Variants in CLHC1 observed in about 807,000 individuals in gnomAD.
CLHC1 encodes clathrin heavy chain linker domain containing 1.
Under a neutral mutation model 69.5 loss-of-function variants are expected in CLHC1, and 72 were observed. That is an observed-to-expected ratio of 1.04 (90% CI 0.86 to 1.26). The LOEUF (loss-of-function observed/expected upper bound fraction) is 1.26, where lower values mean the gene tolerates loss of function less well. CLHC1 is among the 50% of genes most tolerant of loss of function. The pLI is 0.00. For synonymous variants in CLHC1, 223 were observed against 224.3 expected, an observed-to-expected ratio of 0.99 and a Z score of 0.05; for missense variants, 790 against 679.3, an observed-to-expected ratio of 1.16 and a Z score of -1.81.
chr2:55,213,238 C>G (rs1673180229), intron 4 of CLHC1, among the ~76,000 whole-genome samples: 1 of 152,178 alleles, frequency 6.6e-6, no homozygotes, highest in Non-Finnish European at 1.5e-5. Flanking sequence ...GGACCAAAAT[C>G]AAAGTGTTGG....
chr2:55,175,805 T>A lies in CLHC1; in HGVS notation c.1746A>T (p.Glu582Asp). The A allele has an allele frequency of 1.9e-6, 3 of 1,613,746 alleles. No individual in the cohort carries two copies. Among genetic ancestry groups the A allele is most frequent in the Non-Finnish European group, 2.5e-6 (3 of 1,179,732 alleles). Residue 582 changes from glutamate to aspartate, a missense_variant, in exon 13 of 13, where the codon GAA (glutamate) becomes GAT (aspartate). Physicochemically the swap from Glu to Asp is conservative, Grantham distance 45 (BLOSUM62 2). Coordinates refer to ENST00000401408, the MANE Select transcript of CLHC1 (RefSeq NM_152385.4). ...AGATATAGAACTACCAAAACACATGTTCCATTAGGTTGACTGCGTCATCCT... is the reference window on the plus strand; with the variant it reads ...AGATATAGAACTACCAAAACACATGATCCATTAGGTTGACTGCGTCATCCT... ...SEEDDAVNLM[E>D]HVFW
At chr2:55,208,603 A>C (rs2103931870) in intron 8 of CLHC1, 23 bp downstream of exon 8, 1 of 1,473,044 alleles carries the variant, frequency 6.8e-7, no homozygotes, top group East Asian at 2.3e-5. Context: ...ATTCTGAAAA[A>C]TTAAAGCTTT....
At chr2:55,209,582 A>G (rs375068222) in intron 6 of CLHC1, 48 bp downstream of exon 6, 49 of 1,591,674 alleles carry the variant, frequency 3.1e-5, no homozygotes, top group Non-Finnish European at 4.0e-5. Context: ...ATTAGAATAA[A>G]CACAAATAAA....
chr2:55,201,304 G>C (rs986363555), intron 9 of CLHC1, among the ~76,000 whole-genome samples: 2 of 151,638 alleles, frequency 1.3e-5, no homozygotes, highest in African/African-American at 4.8e-5. Flanking sequence ...GAGAAGACCT[G>C]AGTAAATAAA....
At chr2:55,210,279 C>T (rs762748316) in intron 5 of CLHC1, among the ~76,000 whole-genome samples, 2 of 152,066 alleles carry the variant, frequency 1.3e-5, no homozygotes, top group Admixed American at 6.6e-5. Context: ...TCACTGCAAC[C>T]TCTGCCTCCC....
At chr2:55,218,144 T>A in intron 3 of CLHC1, 146 bp from the exon 4 acceptor site, 1 of 458,002 alleles carries the variant, frequency 2.2e-6, no homozygotes, top group Non-Finnish European at 3.8e-6. Flanking sequence ...AGCTCAAACA[T>A]AATTGGACAC....
In CLHC1 at chr2:55,196,787, C is replaced by T. The variant is rs193078338; in HGVS notation, c.1006+9483G>A. Among the ~76,000 whole-genome samples, 164 of 152,272 alleles carry T rather than the reference C, an allele frequency of 1.1e-3. 2 individuals carry two copies. The Middle Eastern group carries it at 0.017, about 16-fold the overall frequency. Reference sequence around the variant, plus strand: ...CATTCCCAGCTGTAATGGCTATCAGCTGGGTGATCAGCTTCTTCTTGAGAA... The same window carrying T: ...CATTCCCAGCTGTAATGGCTATCAGTTGGGTGATCAGCTTCTTCTTGAGAA... On this transcript the variant is annotated intron_variant, in intron 9 of 12. Coordinates refer to ENST00000401408, the MANE Select transcript of CLHC1 (RefSeq NM_152385.4).
At chr2:55,219,747 TA>T (rs1167915398) in intron 3 of CLHC1, among the ~76,000 whole-genome samples, 1 of 152,144 alleles carries the variant, frequency 6.6e-6, no homozygotes, top group East Asian at 1.9e-4. Context: ...TAACCATAGC[TA>T]TATTTACCAG....
intron 1 of CLHC1, 60 bp downstream of exon 1, chr2:55,232,163 G>C (rs1219172203): frequency 6.3e-6 from 1 of 157,854 alleles, no homozygotes; most frequent in East Asian, 1.9e-4. Context: ...CTTAACATTT[G>C]CTCTAGTCAC....
rs760407335 is a variant in CLHC1, at chr2:55,212,770, T to A, written c.402A>T (p.Gln134His). The A allele has an allele frequency of 8.1e-6, 13 of 1,603,448 alleles. No homozygotes were observed. Among genetic ancestry groups the A allele is most frequent in the African/African-American group, 1.3e-5 (1 of 74,688 alleles). ...ACTGCTTGATGTGATCTATTTGAGA[T>A]TGAATCTTCGAGGAATTACTTTCGA... ...RIIESNSSKI[Q>H]SQIDHIKQCR... is the part of the protein sequence containing the mutation. The change falls in exon 5 of 13, where the codon CAA becomes CAT. Residue 134 changes from glutamine (Q) to histidine (H), a missense_variant. Transcript: ENST00000401408.
intron 2 of CLHC1, among the ~76,000 whole-genome samples, chr2:55,223,635 G>A (rs1005968860): frequency 1.3e-5 from 2 of 151,670 alleles, no homozygotes; most frequent in East Asian, 2.0e-4. Context: ...CTGGGGCGAG[G>A]GAGGGCGCGC....
chr2:55,222,429 C>T lies in CLHC1; in HGVS notation c.-18G>A, dbSNP rs781331948. 7.5e-6 allele frequency: 12 copies of T among 1,606,222 alleles called. No homozygotes were observed. Among genetic ancestry groups the T allele is most frequent in the Non-Finnish European group, 1.0e-5 (12 of 1,175,776 alleles). On this transcript the variant is annotated 5_prime_UTR_variant, in exon 3 of 13. It adds an upstream start codon to the 5' untranslated region. Coordinates refer to ENST00000401408, the MANE Select transcript of CLHC1 (RefSeq NM_152385.4). Reference sequence around the variant, plus strand: ...ACTGACATATTTGACAATCTGCACACTTGTTCACTGAAGAACAGCTAAATC... The same window carrying T: ...ACTGACATATTTGACAATCTGCACATTTGTTCACTGAAGAACAGCTAAATC...
Position 55,222,472 on chromosome 2 carries a change from C to A in CLHC1, c.-61G>T. On this transcript the variant is annotated 5_prime_UTR_variant, in exon 3 of 13. Transcript: ENST00000401408. The stretch of plus-strand genomic sequence containing the variant: ...GCTAAATCTTGACCTGCTCTTGCAA[C>A]AAAGCCAAAACTTTGATAAGCCTGA... The A allele has an allele frequency of 7.6e-7, 1 of 1,310,658 alleles. No individual in the cohort carries two copies. Among genetic ancestry groups the A allele is most frequent in the Non-Finnish European group, 1.0e-6 (1 of 958,118 alleles). 81.2% of individuals were successfully genotyped at this position (1,310,658 alleles called of 1,614,324 possible).
Position 55,231,750 on chromosome 2 carries a change from C to G in CLHC1, c.-256+473G>C, listed in dbSNP as rs997911019. Among the ~76,000 whole-genome samples the G allele has an allele frequency of 4.6e-5, 7 of 152,338 alleles. No individual in the cohort carries two copies. The South Asian group carries it at 8.3e-4, about 18-fold the overall frequency. ...CCCATACATACTCCAAAAACTTCCT[C>G]TCAGATCCAAGACTCCCAATGCCCA... On this transcript the variant is annotated intron_variant, in intron 1 of 12. Transcript: ENST00000401408.
chr2:55,180,343 T>C (rs183879377), intron 11 of CLHC1, among the ~76,000 whole-genome samples, 167 bp downstream of exon 11: 8 of 152,278 alleles, frequency 5.3e-5, no homozygotes, highest in East Asian at 3.9e-4. Flanking sequence ...GCCAATCAGC[T>C]CCAGCTTACT....
intron 8 of CLHC1, chr2:55,207,003 T>G (rs1232940951): frequency 6.6e-6 from 1 of 151,426 alleles, no homozygotes; most frequent in Non-Finnish European, 1.5e-5. Flanking sequence ...TAGTCCCAGC[T>G]GCTCAGGAGG....
chr2:55,185,820 C>T (rs1670365405), intron 9 of CLHC1, among the ~76,000 whole-genome samples: 1 of 152,018 alleles, frequency 6.6e-6, no homozygotes, highest in Admixed American at 6.6e-5. Context: ...TTAAAATTTT[C>T]TGAAAATGTT....
intron 3 of CLHC1, chr2:55,218,301 T>C (rs1673777775): frequency 5.5e-6 from 1 of 182,570 alleles, no homozygotes; most frequent in African/African-American, 2.3e-5. Context: ...CTAATGCTAG[T>C]TCTAATTTTC....
intron 1 of CLHC1, 127 bp from the exon 2 acceptor site, chr2:55,228,331 A>C (rs1573802476): frequency 6.6e-6 from 1 of 152,256 alleles, no homozygotes; most frequent in African/African-American, 2.4e-5. Flanking sequence ...TTGCTGAATA[A>C]TCAATAATCA....
Sources: allele counts gnomAD v4.1 joint callset (sites outside exome capture counted in the v4.1 genomes callset), GRCh38; gene constraint gnomAD v4.1.1; transcripts MANE v1.5; gene names NCBI Gene and HGNC (gene_info 2026-07-23, HGNC 2026-07-21).